The following SLC43A2 variants were observed in gnomAD, a reference collection of about 807,000 sequenced individuals.
The protein encoded by SLC43A2 is large neutral amino acids transporter small subunit 4.
SLC43A2 carries 38 observed loss-of-function variants against 63.2 expected under a neutral mutation model. The observed-to-expected ratio is 0.60, with a 90% CI of 0.46 to 0.79. The LOEUF (loss-of-function observed/expected upper bound fraction) is 0.79. SLC43A2 is among the 30% of genes least tolerant of loss of function. The pLI is 0.00. For missense variants in SLC43A2, 644 were observed against 756.2 expected, an observed-to-expected ratio of 0.85 and a Z score of 1.74; for synonymous variants, 322 against 331.0, an observed-to-expected ratio of 0.97 and a Z score of 0.30.
rs765304894 is a variant in SLC43A2 at position 1,573,157 on chromosome 17, G to T, written c.*2447C>A. On this transcript the variant is annotated 3_prime_UTR_variant, in exon 14 of 14. Coordinates refer to ENST00000301335, the MANE Select transcript of SLC43A2 (RefSeq NM_152346.3). ...GCACCACTGCACTCCAGCCTGGATG[G>T]CAGAGCAAGACCCCAACTCAAAAAA... 4.7e-5 allele frequency: 6 copies of T among 127,276 alleles called. No individual in the cohort carries two copies. Among genetic ancestry groups the T allele is most frequent in the Non-Finnish European group, 9.3e-5 (6 of 64,338 alleles). The allele number at this position is 127,276 out of a possible 1,614,324, so 7.9% of individuals were successfully genotyped here. A position where few individuals can be genotyped will look rare whatever the true frequency, so the allele number is the denominator to read the frequency against.
At chr17:1,625,307 C>T (rs1368931553) in intron 2 of SLC43A2, among the ~76,000 whole-genome samples, 3 of 152,158 alleles carry the variant, frequency 2.0e-5, no homozygotes, top group Admixed American at 6.5e-5. Flanking sequence ...GTGTCTGTGG[C>T]GAGATTCTGG....
In SLC43A2 at chr17:1,593,176, C is replaced by T; in HGVS notation, c.594+11G>A. On this transcript the variant is annotated intron_variant, in intron 6 of 13. Transcript: ENST00000301335. The surrounding 1 kb of genome is among the most constrained non-coding windows in gnomAD (Gnocchi z 5.3). Reference sequence around the variant, plus strand: ...TCTGCACAGACACCAGTGCAAAATACACGTGCTCACCTTGATTCCTGGAAA... The same window carrying T: ...TCTGCACAGACACCAGTGCAAAATATACGTGCTCACCTTGATTCCTGGAAA... 6.2e-7 allele frequency: 1 copy of T among 1,612,284 alleles called. No individual in the cohort carries two copies. Among genetic ancestry groups the T allele is most frequent in the Non-Finnish European group, 8.5e-7 (1 of 1,179,046 alleles).
chr17:1,596,243 C>G (rs1405592068), intron 5 of SLC43A2, among the ~76,000 whole-genome samples: 1 of 151,800 alleles, frequency 6.6e-6, no homozygotes, highest in Non-Finnish European at 1.5e-5. Context: ...TCCCTTGAAC[C>G]GGGAGATGGA....
intron 2 of SLC43A2, among the ~76,000 whole-genome samples, chr17:1,624,376 C>A (rs1040676710): frequency 5.3e-5 from 8 of 151,452 alleles, no homozygotes; most frequent in Admixed American, 4.6e-4. Context: ...AGTTTTGAGA[C>A]CAGCCTGAGC....
Position 1,627,843 on chromosome 17 carries a change from C to T in SLC43A2, c.32G>A (p.Arg11His), listed in dbSNP as rs748552917. ...GGCCGTGCAGGCCATCCACCAGCGG[C>T]GCCGATGGGCAGTGGCCAGGGTGGG... MAPTLATAHRRRWWMACTAVL... is the reference protein window; with the variant it reads MAPTLATAHRHRWWMACTAVL... The change falls in exon 2 of 14, where the codon CGC becomes CAC. Residue 11 changes from arginine (R) to histidine (H), a missense_variant. This residue lies in a region of SLC43A2 where 528 missense variants were observed against 623.6 expected (regional missense o/e 0.85). Transcript: ENST00000301335. 2 of 1,586,038 alleles carry T rather than the reference C, an allele frequency of 1.3e-6. No homozygotes were observed. Among genetic ancestry groups the T allele is most frequent in the East Asian group, 2.3e-5 (1 of 43,332 alleles).
chr17:1,627,652 A>AACCCCCCCCCCCCCAAC, intron 2 of SLC43A2, 63 bp downstream of exon 2: 1 of 227,124 alleles, frequency 4.4e-6, no homozygotes, highest in Non-Finnish European at 8.5e-6. Context: ...CTTCGCCCCC[A>AACCCCCCCCCCCCCAAC]TCCCGCCCCC....
At chr17:1,584,063 T>C (rs951685001) in intron 10 of SLC43A2, among the ~76,000 whole-genome samples, 1 of 151,936 alleles carries the variant, frequency 6.6e-6, no homozygotes, top group African/African-American at 2.4e-5. Context: ...ACCCGGCTAA[T>C]TTTTGCGTTT....
chr17:1,628,484 G>A (rs1908894545), intron 1 of SLC43A2: 1 of 151,382 alleles, frequency 6.6e-6, no homozygotes, highest in South Asian at 2.1e-4. Context: ...ATTGGCCGCC[G>A]TCTAGGTCGC....
At chr17:1,591,129 TC>T in intron 8 of SLC43A2, 139 bp downstream of exon 8, 1 of 1,283,490 alleles carries the variant, frequency 7.8e-7, no homozygotes, top group Non-Finnish European at 1.1e-6. Context: ...TCCCTTTCCC[TC>T]CCCCAGGCCT....
intron 9 of SLC43A2, chr17:1,586,928 T>TGCCCCCCCCCCCCCCCGCCCCCGGC: frequency 8.1e-7 from 1 of 1,232,916 alleles, no homozygotes; most frequent in Non-Finnish European, 1.1e-6. Flanking sequence ...TCCCTGACAA[T>TGCCCCCCCCCCCCCCCGCCCCCGGC]CCCCCCCACC....
At chr17:1,586,980 G>C in intron 9 of SLC43A2, 1 of 1,200,890 alleles carries the variant, frequency 8.3e-7, no homozygotes, top group Non-Finnish European at 1.1e-6. Context: ...GAAAGCAAAA[G>C]TGAAAAAGCA....
At chr17:1,596,841 A>G (rs536086839) in intron 5 of SLC43A2, among the ~76,000 whole-genome samples, 51 of 152,350 alleles carry the variant, frequency 3.3e-4, no homozygotes, top group African/African-American at 1.2e-3. Context: ...GCATATGGAA[A>G]GATGCTCAAC....
chr17:1,627,666 CAAAGCCCCAGCTCCAGGAG>C, intron 2 of SLC43A2, 30 bp downstream of exon 2: 1 of 1,095,074 alleles, frequency 9.1e-7, no homozygotes, highest in Non-Finnish European at 1.2e-6. Context: ...CGCCCCCTCC[CAAAGCCCCAGCTCCAGGAG>C]CCCCCCGCAA....
At position 1,605,769 on chromosome 17, in the gene SLC43A2, G is replaced by A. The variant is rs947044379; in HGVS notation, c.501+7426C>T. 6.6e-6 allele frequency among the ~76,000 whole-genome samples: 1 copy of A among 152,206 alleles called. No individual in the cohort carries two copies. The highest frequency in any genetic ancestry group is 1.5e-5 in the Non-Finnish European group (1 of 68,026). ...GCACAGGTAGACTCTGCCAGGCTGG[G>A]CTGTTTCCTACCCACAACAACCGGG... is the stretch of plus-strand genomic sequence containing the variant. On this transcript the variant is annotated intron_variant, in intron 5 of 13. Transcript: ENST00000301335. The surrounding 1 kb of genome is among the most constrained non-coding windows in gnomAD (Gnocchi z 4.9).
intron 5 of SLC43A2, among the ~76,000 whole-genome samples, chr17:1,597,910 T>A (rs572231228): frequency 6.6e-6 from 1 of 152,322 alleles, no homozygotes; most frequent in East Asian, 1.9e-4. Context: ...AGGTGAGCAA[T>A]CTTACTCTCT....
chr17:1,573,176 CA>C lies in SLC43A2; in HGVS notation c.*2427del, dbSNP rs35157880. 8.3e-3 allele frequency: 573 copies of C among 69,298 alleles called. No individual in the cohort carries two copies. The highest frequency in any genetic ancestry group is 0.015 in the South Asian group (24 of 1,632). The allele number at this position is 69,298 out of a possible 1,614,324, so 4.3% of individuals were successfully genotyped here. A position where few individuals can be genotyped will look rare whatever the true frequency, so the allele number is the denominator to read the frequency against. On this transcript the variant is annotated 3_prime_UTR_variant, in exon 14 of 14. Coordinates refer to ENST00000301335, the MANE Select transcript of SLC43A2 (RefSeq NM_152346.3). Reference sequence around the variant, plus strand: ...TGGATGGCAGAGCAAGACCCCAACTCAAAAAAAAAAAAAAAAAAAAAAAGGC... The same window carrying C: ...TGGATGGCAGAGCAAGACCCCAACTCAAAAAAAAAAAAAAAAAAAAAAGGC...
chr17:1,595,535 TC>T (rs1905219126), intron 5 of SLC43A2, among the ~76,000 whole-genome samples: 1 of 151,810 alleles, frequency 6.6e-6, no homozygotes, highest in Non-Finnish European at 1.5e-5. Context: ...AACCTCCACC[TC>T]CCAAGTTCAA....
chr17:1,605,172 C>T lies in SLC43A2; in HGVS notation c.501+8023G>A. ...CTCCGTGCGGGTCAACCTGTCCTGCCAGCCCGGGCTGTTCACTCACTGCCT... is the reference window on the plus strand; with the variant it reads ...CTCCGTGCGGGTCAACCTGTCCTGCTAGCCCGGGCTGTTCACTCACTGCCT... On this transcript the variant is annotated intron_variant, in intron 5 of 13. Transcript: ENST00000301335. This position sits in a 1 kb window ranked among gnomAD's most constrained non-coding sequence, Gnocchi z 4.9. 8.3e-7 allele frequency: 1 copy of T among 1,200,062 alleles called. No individual in the cohort carries two copies. The allele number at this position is 1,200,062 out of a possible 1,614,324, so 74.3% of individuals were successfully genotyped here.
intron 5 of SLC43A2, among the ~76,000 whole-genome samples, chr17:1,600,562 T>C (rs571135869): frequency 7.1e-6 from 1 of 140,172 alleles, no homozygotes; most frequent in Non-Finnish European, 1.5e-5. Flanking sequence ...TTTTTTTTTT[T>C]TTTTTTTTGG....
Sources: allele counts gnomAD v4.1 joint callset (sites outside exome capture counted in the v4.1 genomes callset), GRCh38; gene constraint gnomAD v4.1.1; regional missense constraint gnomAD v4.1.1; non-coding constraint Gnocchi (gnomAD v3.1); transcripts MANE v1.5; gene names NCBI Gene and HGNC (gene_info 2026-07-23, HGNC 2026-07-21).